Variants in CFAP61 observed in about 807,000 individuals in gnomAD.
CFAP61 encodes the protein cilia- and flagella-associated protein 61.
In CFAP61, 107 loss-of-function variants were observed where a neutral mutation model predicts 135.6. The observed-to-expected ratio is 0.79, with a 90% confidence interval of 0.67 to 0.93. The LOEUF is 0.93. Ranked by LOEUF, CFAP61 falls within the 40% of genes least tolerant of loss-of-function variation. CFAP61 has a pLI of 0.00. For synonymous variants in CFAP61, 575 were observed against 578.5 expected (o/e 0.99, Z 0.09); for missense variants, 1,507 against 1,556.2 (o/e 0.97, Z 0.53).
At chr20:20,133,156 A>G (rs765185951) in intron 8 of CFAP61, among the ~76,000 whole-genome samples, 3 of 152,134 alleles carry the variant, frequency 2.0e-5, no homozygotes, top group Non-Finnish European at 4.4e-5. Context: ...GATTTTGTTG[A>G]TTCTATTACT....
Position 20,360,434 on chromosome 20 carries a change from T to C in CFAP61, c.*24T>C, listed in dbSNP as rs200146442. ...AGTTGTAGGCAGGGTCTCCCCTTTA[T>C]GGTTTTCATTTATTTAGTTCCTGGA... On this transcript the variant is annotated 3_prime_UTR_variant, in exon 27 of 27. Transcript: ENST00000245957. 6.2e-6 allele frequency: 10 copies of C among 1,603,440 alleles called. No individual in the cohort carries two copies. In the African/African-American group the frequency reaches 1.2e-4, roughly 19 times the overall value.
At chr20:20,288,251 C>T (rs1488098042) in intron 22 of CFAP61, among the ~76,000 whole-genome samples, 1 of 152,174 alleles carries the variant, frequency 6.6e-6, no homozygotes. Context: ...AGGATGGAGG[C>T]TGCGCTAGAG....
chr20:20,085,466 T>A, intron 6 of CFAP61: 5 of 1,366,532 alleles, frequency 3.7e-6, no homozygotes, highest in Non-Finnish European at 4.9e-6. Context: ...GGAAAGGGCT[T>A]AAGAGAGAGC....
chr20:20,053,620 G>A (rs1057033507), intron 1 of CFAP61, among the ~76,000 whole-genome samples: 4 of 152,142 alleles, frequency 2.6e-5, no homozygotes, highest in Non-Finnish European at 5.9e-5. Flanking sequence ...TACCAATGCA[G>A]ATATTACTTT....
chr20:20,293,795 G>A (rs1356455667), intron 24 of CFAP61, among the ~76,000 whole-genome samples: 4 of 152,154 alleles, frequency 2.6e-5, no homozygotes, highest in Admixed American at 1.3e-4. Context: ...CTTTGTTGGC[G>A]TATATACCAT....
chr20:20,293,608 C>G (rs1325320936), intron 24 of CFAP61, among the ~76,000 whole-genome samples: 1 of 152,178 alleles, frequency 6.6e-6, no homozygotes, highest in Non-Finnish European at 1.5e-5. Context: ...TATTCATACA[C>G]TAGATATAGC....
chr20:20,303,323 G>A (rs1040470021), intron 25 of CFAP61, among the ~76,000 whole-genome samples: 1 of 152,154 alleles, frequency 6.6e-6, no homozygotes, highest in Non-Finnish European at 1.5e-5. Flanking sequence ...ACTGATGAGA[G>A]TAATAATTTC....
chr20:20,290,218 T>G, intron 23 of CFAP61, 82 bp from the exon 24 acceptor site: 2 of 883,160 alleles, frequency 2.3e-6, no homozygotes, highest in Non-Finnish European at 3.9e-6. Flanking sequence ...AGGCATCTGT[T>G]TGTCCTGTGA....
intron 25 of CFAP61, among the ~76,000 whole-genome samples, chr20:20,304,088 CG>C (rs2056281302): frequency 6.6e-6 from 1 of 152,110 alleles, no homozygotes; most frequent in African/African-American, 2.4e-5. Flanking sequence ...CACGAGGTGG[CG>C]GCCGAGCTGT....
intron 25 of CFAP61, among the ~76,000 whole-genome samples, chr20:20,306,545 T>C (rs1232557783): frequency 6.6e-6 from 1 of 152,212 alleles, no homozygotes; most frequent in African/African-American, 2.4e-5. Context: ...AGGCAAGATT[T>C]TGTTTTATGT....
intron 25 of CFAP61, among the ~76,000 whole-genome samples, chr20:20,338,805 C>A (rs1413667831): frequency 6.6e-6 from 1 of 152,236 alleles, no homozygotes; most frequent in Admixed American, 6.5e-5. Context: ...GATGTAACTG[C>A]CTGGATGAGC....
Position 20,195,255 on chromosome 20 carries a change from T to A in CFAP61, c.1591-1315T>A, listed in dbSNP as rs527413055. Among the ~76,000 whole-genome samples, 4 of 152,338 alleles carry A rather than the reference T, an allele frequency of 2.6e-5. No individual in the cohort carries two copies. The East Asian group carries it at 7.7e-4, about 29-fold the overall frequency. On this transcript the variant is annotated intron_variant, in intron 15 of 26. Coordinates refer to ENST00000245957, the MANE Select transcript of CFAP61 (RefSeq NM_015585.4). ...GATGCCACAGTTTTCATGGATTTGC[T>A]GGTGCCAGCCTTGCTGATCACAGAA...
intron 24 of CFAP61, among the ~76,000 whole-genome samples, chr20:20,292,627 A>G (rs1343901238): frequency 6.6e-6 from 1 of 152,192 alleles, no homozygotes; most frequent in Non-Finnish European, 1.5e-5. Context: ...CTTGTTTACT[A>G]AATCCGAAAG....
chr20:20,295,424 G>A (rs1164139717), intron 24 of CFAP61, among the ~76,000 whole-genome samples: 5 of 152,080 alleles, frequency 3.3e-5, no homozygotes, highest in Admixed American at 2.6e-4. Context: ...TCTGTGGTGC[G>A]TCCTCTCCCA....
At position 20,277,227 on chromosome 20, in the gene CFAP61, C is replaced by A; in HGVS notation, c.2565C>A (p.Asn855Lys). 6.2e-7 allele frequency: 1 copy of A among 1,613,856 alleles called. No individual in the cohort carries two copies. Among genetic ancestry groups the A allele is most frequent in the Non-Finnish European group, 8.5e-7 (1 of 1,179,938 alleles). ...DTYTTVETLL[N>K]LGVSGSRIHL... ...ACACCACCGTGGAGACGCTCTTAAA[C>A]CTTGGCGTGAGCGGCAGCCGCATCC... The change falls in exon 22 of 27, where the codon AAC becomes AAA. Residue 855 changes from asparagine to lysine, a missense_variant. Coordinates refer to ENST00000245957, the MANE Select transcript of CFAP61 (RefSeq NM_015585.4).
At chr20:20,090,268 G>C (rs557576963) in intron 6 of CFAP61, among the ~76,000 whole-genome samples, 2 of 152,236 alleles carry the variant, frequency 1.3e-5, no homozygotes, top group East Asian at 3.9e-4. Context: ...CAGCTCAGAT[G>C]ACCCTCCTCA....
At chr20:20,085,301 G>T in intron 6 of CFAP61, 1 of 985,388 alleles carries the variant, frequency 1.0e-6, no homozygotes, top group Non-Finnish European at 1.2e-6. Flanking sequence ...GGGGTGTTTT[G>T]TTTCTGTGGG....
Position 20,290,326 on chromosome 20 carries a change from T to C in CFAP61, c.3151T>C (p.Tyr1051His), listed in dbSNP as rs2054907324. The change falls in exon 24 of 27, where the codon TAT (tyrosine) becomes CAT (histidine). Residue 1051 changes from tyrosine to histidine, a missense_variant. Physicochemically the swap from Tyr to His is moderately conservative, Grantham distance 83. Transcript: ENST00000245957. The part of the protein sequence containing the change: ...QGGILPGSYH[Y>H]LHIAKPAIPT... ...GGGCATTCTTCCTGGGTCTTACCAT[T>C]ATCTGCATATTGCCAAGCCTGCCAT... is the stretch of plus-strand genomic sequence containing the variant. 6.2e-7 allele frequency: 1 copy of C among 1,613,508 alleles called. No homozygotes were observed. Among genetic ancestry groups the C allele is most frequent in the Non-Finnish European group, 8.5e-7 (1 of 1,179,352 alleles).
chr20:20,273,159 G>A (rs1445306568), intron 21 of CFAP61, among the ~76,000 whole-genome samples: 2 of 151,554 alleles, frequency 1.3e-5, no homozygotes, highest in African/African-American at 4.9e-5. Flanking sequence ...TGGATTACAG[G>A]CATGAGCCAC....
Sources: gnomAD v4.1 joint callset for allele counts (sites outside exome capture counted in the v4.1 genomes callset) on GRCh38, gnomAD v4.1.1 for gene constraint, MANE v1.5 for transcripts, NCBI Gene and HGNC (gene_info 2026-07-23, HGNC 2026-07-21) for gene names.